Variants in NRDE2 observed in about 807,000 individuals in gnomAD.
NRDE2 encodes the protein nuclear exosome regulator NRDE2.
Under a neutral mutation model 124.2 loss-of-function variants are expected in NRDE2, and 76 were observed. The ratio of observed to expected loss-of-function variants is 0.61; its 90% CI spans 0.51 to 0.74. The LOEUF is 0.74. NRDE2 is among the 30% of genes least tolerant of loss of function. The pLI is 0.00. For synonymous variants in NRDE2, 489 were observed against 528.1 expected, an observed-to-expected ratio of 0.93 and a Z score of 1.01; for missense variants, 1,314 against 1,417.3, an observed-to-expected ratio of 0.93 and a Z score of 1.17.
chr14:90,324,389 T>C (rs1456651161), intron 1 of NRDE2, among the ~76,000 whole-genome samples: 4 of 151,980 alleles, frequency 2.6e-5, no homozygotes, highest in Non-Finnish European at 5.9e-5. Context: ...AGAACACACA[T>C]TTTAGGCCGG....
Position 90,271,060 on chromosome 14 carries a change from A to ATTTTGT in NRDE2, c.*7275_*7276insACAAAA, listed in dbSNP as rs150233105. On this transcript the variant is annotated 3_prime_UTR_variant, in exon 14 of 14. Transcript: ENST00000354366. The stretch of plus-strand genomic sequence containing the variant: ...TTTTTAAAAATTGAAAGATCTTAAA[A>ATTTTGT]TTTTAAGATAAGAACTTACTTTGAC... 1.3e-5 allele frequency: 2 copies of ATTTTGT among 151,656 alleles called. No individual in the cohort carries two copies. The highest frequency in any genetic ancestry group is 3.9e-4 in the East Asian group (2 of 5,122). 9.4% of individuals were successfully genotyped at this position (151,656 alleles called of 1,614,324 possible).
At chr14:90,301,485 A>C in intron 6 of NRDE2, 113 bp from the exon 7 acceptor site, 1 of 906,418 alleles carries the variant, frequency 1.1e-6, no homozygotes, top group Non-Finnish European at 1.7e-6. Flanking sequence ...ACCTGCAATC[A>C]CTATTAATTT....
chr14:90,267,932 T>G lies in NRDE2; in HGVS notation c.*10404A>C, dbSNP rs572024612. 2 of 300,800 alleles carry G rather than the reference T, an allele frequency of 6.6e-6. No homozygotes were observed. The highest frequency in any genetic ancestry group is 1.0e-3 in the Middle Eastern group (1 of 998). 18.6% of individuals were successfully genotyped at this position (300,800 alleles called of 1,614,324 possible). Reference sequence around the variant, plus strand: ...ACAGGTAATTATAGTTCGCAGCTTTTCAGGGGAAACTGGGTCAAGGTTGGA... The same window carrying G: ...ACAGGTAATTATAGTTCGCAGCTTTGCAGGGGAAACTGGGTCAAGGTTGGA... On this transcript the variant is annotated 3_prime_UTR_variant, in exon 14 of 14. Coordinates refer to ENST00000354366, the MANE Select transcript of NRDE2 (RefSeq NM_017970.4).
Position 90,269,225 on chromosome 14 carries a change from C to T in NRDE2, c.*9111G>A, listed in dbSNP as rs1891597681. ...TAAATTTGGGGAAATACATTCAGAC[C>T]ATGGCAAGGGGTGCTGAATTTATTT... On this transcript the variant is annotated 3_prime_UTR_variant, in exon 14 of 14. Coordinates refer to ENST00000354366, the MANE Select transcript of NRDE2 (RefSeq NM_017970.4). The T allele has an allele frequency of 4.9e-6, 3 of 606,790 alleles. No individual in the cohort carries two copies. The highest frequency in any genetic ancestry group is 3.7e-5 in the African/African-American group (2 of 53,838). 37.6% of individuals were successfully genotyped at this position (606,790 alleles called of 1,614,324 possible).
chr14:90,280,620 C>T (rs1412852022), intron 12 of NRDE2: 1 of 152,284 alleles, frequency 6.6e-6, no homozygotes, highest in Admixed American at 6.5e-5. Context: ...CAGGTGAAAG[C>T]TTGGTGGGGA....
At position 90,288,598 on chromosome 14, in the gene NRDE2, A is replaced by G. The variant is rs773036529; in HGVS notation, c.2777T>C (p.Ile926Thr). Residue 926 changes from isoleucine to threonine, a missense_variant, in exon 11 of 14, where the codon ATA (isoleucine) becomes ACA (threonine). Transcript: ENST00000354366. ...CAGTTTTGCAAACACCTGTTCGTAT[A>G]TCTGCACAGCAGCATCAATCCCTAT... ...LTIGIDAAVQ[I>T]YEQVFAKLNS... 8.1e-6 allele frequency: 13 copies of G among 1,614,064 alleles called. 1 individual carries two copies. In the South Asian group the frequency reaches 1.2e-4, roughly 15 times the overall value.
At position 90,303,068 on chromosome 14, in the gene NRDE2, G is replaced by C. The variant is rs747841576; in HGVS notation, c.1063C>G (p.Arg355Gly). 6.2e-7 allele frequency: 1 copy of C among 1,613,924 alleles called. No homozygotes were observed. Among genetic ancestry groups the C allele is most frequent in the Non-Finnish European group, 8.5e-7 (1 of 1,180,020 alleles). The change falls in exon 6 of 14, where the codon CGA becomes GGA. Residue 355 changes from arginine (R) to glycine (G), a missense_variant. Transcript: ENST00000354366. ...AGAATGAGCTTCAGGGACCTCTTTC[G>C]CTTTTCCTGCTCTCCTTCCTCGATG... is the stretch of plus-strand genomic sequence containing the variant. ...YAIEEGEQEK[R>G]KRSLKLILEK...
rs757732419 is a variant in NRDE2, at chr14:90,268,598, G to A, written c.*9738C>T. ...TAACAACTGCCCAGTAACTGTGAAC[G>A]TCTGGAGAGATTGGTCAGTTATGAA... On this transcript the variant is annotated 3_prime_UTR_variant, in exon 14 of 14. Transcript: ENST00000354366. The A allele has an allele frequency of 2.4e-4, 144 of 602,480 alleles. 1 individual carries two copies. The highest frequency in any genetic ancestry group is 7.0e-5 in the Non-Finnish European group (24 of 345,032). 37.3% of individuals were successfully genotyped at this position (602,480 alleles called of 1,614,324 possible).
intron 4 of NRDE2, among the ~76,000 whole-genome samples, chr14:90,306,590 C>T (rs1324629115): frequency 1.3e-5 from 2 of 152,124 alleles, no homozygotes; most frequent in Non-Finnish European, 2.9e-5. Context: ...GCGGGTGGAT[C>T]ACCAGAGGTC....
At chr14:90,278,570 C>T (rs924675306) in intron 13 of NRDE2, 109 bp from the exon 14 acceptor site, 19 of 1,370,818 alleles carry the variant, frequency 1.4e-5, no homozygotes, top group South Asian at 3.8e-5. Context: ...TCCTGTCGCC[C>T]TCCACGGCCC....
In NRDE2 at chr14:90,312,374, G is replaced by C. The variant is rs778829170; in HGVS notation, c.557+20C>G. The C allele has an allele frequency of 1.2e-6, 2 of 1,612,472 alleles. No homozygotes were observed. Among genetic ancestry groups the C allele is most frequent in the Non-Finnish European group, 1.7e-6 (2 of 1,179,066 alleles). On this transcript the variant is annotated intron_variant, in intron 4 of 13. Transcript: ENST00000354366. ...AGTCACTTTCCTACAGTGAAAACTG[G>C]GGGAAAACAAGGTGACTACCTTGCT...
At chr14:90,317,391 CTCT>C (rs1268794551) in intron 2 of NRDE2, among the ~76,000 whole-genome samples, 1 of 152,088 alleles carries the variant, frequency 6.6e-6, no homozygotes, top group Non-Finnish European at 1.5e-5. Context: ...TGACAATGAG[CTCT>C]TCTTCCTCAT....
chr14:90,314,373 T>C (rs1884964059), intron 3 of NRDE2, among the ~76,000 whole-genome samples: 1 of 152,182 alleles, frequency 6.6e-6, no homozygotes. Context: ...GGGAAGAGAA[T>C]ACATAAGTTA....
intron 1 of NRDE2, among the ~76,000 whole-genome samples, chr14:90,321,750 A>C (rs1885252422): frequency 6.6e-6 from 1 of 152,152 alleles, no homozygotes; most frequent in South Asian, 2.1e-4. Context: ...GAATACTAGA[A>C]GTAATAATCA....
intron 3 of NRDE2, among the ~76,000 whole-genome samples, chr14:90,314,319 C>T (rs113181808): frequency 0.025 from 3,741 of 152,278 alleles, 82 homozygotes; most frequent in Non-Finnish European, 0.034. Context: ...ATATTGTAGT[C>T]CTTGTCTATG....
At chr14:90,318,140 A>C in intron 1 of NRDE2, 27 bp from the exon 2 acceptor site, 5 of 1,544,178 alleles carry the variant, frequency 3.2e-6, no homozygotes, top group Non-Finnish European at 4.5e-6. Context: ...AGAAAAGATC[A>C]ATGAAATTAG....
chr14:90,268,143 A>C lies in NRDE2; in HGVS notation c.*10193T>G. On this transcript the variant is annotated 3_prime_UTR_variant, in exon 14 of 14. Coordinates refer to ENST00000354366, the MANE Select transcript of NRDE2 (RefSeq NM_017970.4). ...GCCCGCCTGTTTTTGGTGTCCATTT[A>C]AGGTGGTAATGATACGAGTTTTTAA... The C allele has an allele frequency of 5.9e-6, 7 of 1,191,828 alleles. No homozygotes were observed. The East Asian group carries it at 1.0e-4, about 17-fold the overall frequency. The allele number at this position is 1,191,828 out of a possible 1,614,324, so 73.8% of individuals were successfully genotyped here. A position where few individuals can be genotyped will look rare whatever the true frequency, so the allele number is the denominator to read the frequency against.
intron 12 of NRDE2, 130 bp from the exon 13 acceptor site, chr14:90,279,263 C>A: frequency 1.4e-6 from 1 of 698,628 alleles, no homozygotes; most frequent in Non-Finnish European, 2.5e-6. Flanking sequence ...GGCCTGGCAC[C>A]GTCACGGTGG....
chr14:90,290,319 C>T lies in NRDE2; in HGVS notation c.2131G>A (p.Glu711Lys). ...AGGTGGAAGACATTGCGGATGAACT[C>T]CTCGCCCTCTCGGTTCTGACCCCTG... ...WTRGQNREGE[E>K]FIRNVFHLVM... Residue 711 changes from glutamate to lysine, a missense_variant, in exon 10 of 14, where the codon GAG becomes AAG. Transcript: ENST00000354366. 6.2e-7 allele frequency: 1 copy of T among 1,614,116 alleles called. No individual in the cohort carries two copies. Among genetic ancestry groups the T allele is most frequent in the Non-Finnish European group, 8.5e-7 (1 of 1,180,038 alleles).
Sources: allele counts gnomAD v4.1 joint callset (sites outside exome capture counted in the v4.1 genomes callset), GRCh38; gene constraint gnomAD v4.1.1; transcripts MANE v1.5; gene names NCBI Gene and HGNC (gene_info 2026-07-23, HGNC 2026-07-21).